ERC2: variants seen among roughly 807,000 people sequenced by gnomAD.
ERC2 encodes the protein ERC protein 2.
Under a neutral mutation model 114.8 loss-of-function variants are expected in ERC2, and 42 were observed. The observed-to-expected ratio is 0.37, with a 90% CI of 0.29 to 0.47. The LOEUF is 0.47. ERC2 is among the 20% of genes least tolerant of loss of function. The probability of loss-of-function intolerance (pLI) is 0.99; values close to 1 mark genes in which losing one functional copy is unlikely to be tolerated. For missense variants in ERC2, 939 were observed against 1,150.7 expected, an observed-to-expected ratio of 0.82 and a Z score of 2.66; for synonymous variants, 454 against 425.5, an observed-to-expected ratio of 1.07 and a Z score of -0.82.
chr3:56,412,551 C>T (rs963375322), intron 2 of ERC2, among the ~76,000 whole-genome samples: 6 of 152,180 alleles, frequency 3.9e-5, no homozygotes, highest in African/African-American at 9.7e-5. Context: ...ACTGGGTCTT[C>T]GGACATCTGG....
At chr3:55,738,588 C>A (rs2065788073) in intron 14 of ERC2, among the ~76,000 whole-genome samples, 1 of 152,086 alleles carries the variant, frequency 6.6e-6, no homozygotes, top group Non-Finnish European at 1.5e-5. Context: ...CACACACACA[C>A]AATGTCTGAT....
intron 2 of ERC2, among the ~76,000 whole-genome samples, chr3:56,392,128 G>T (rs1245819539): frequency 2.0e-5 from 3 of 152,164 alleles, no homozygotes; most frequent in African/African-American, 7.2e-5. Context: ...CTATTTCAAA[G>T]AAATGATTTT....
At chr3:56,256,983 C>T (rs1387839847) in intron 3 of ERC2, among the ~76,000 whole-genome samples, 4 of 152,140 alleles carry the variant, frequency 2.6e-5, no homozygotes, top group Admixed American at 6.5e-5. Context: ...TGGACTAATA[C>T]AGGCCATATG....
At chr3:55,814,747 C>G (rs1053493329) in intron 14 of ERC2, among the ~76,000 whole-genome samples, 12 of 152,290 alleles carry the variant, frequency 7.9e-5, no homozygotes, top group African/African-American at 2.9e-4. Context: ...TCTCCATGTT[C>G]CACATGAAAG....
intron 2 of ERC2, among the ~76,000 whole-genome samples, chr3:56,307,365 TAC>T (rs763504731): frequency 2.6e-5 from 4 of 152,196 alleles, no homozygotes; most frequent in East Asian, 3.8e-4. Context: ...AGTGCACAAT[TAC>T]AGTGTAGGGA....
chr3:55,512,994 A>C (rs1575429090), intron 17 of ERC2, among the ~76,000 whole-genome samples: 1 of 152,350 alleles, frequency 6.6e-6, no homozygotes. Context: ...ATAAAAAACG[A>C]ATCCTGGCTT....
At chr3:55,651,796 T>C (rs1041226057) in intron 17 of ERC2, among the ~76,000 whole-genome samples, 1 of 152,324 alleles carries the variant, frequency 6.6e-6, no homozygotes, top group South Asian at 2.1e-4. Context: ...TGTTTTTAAT[T>C]AGACTCATTC....
At chr3:56,323,214 G>A (rs934588709) in intron 2 of ERC2, among the ~76,000 whole-genome samples, 1 of 152,142 alleles carries the variant, frequency 6.6e-6, no homozygotes, top group Admixed American at 6.5e-5. Context: ...AAAGGAGTAA[G>A]AAAGTCCCCC....
intron 4 of ERC2, among the ~76,000 whole-genome samples, chr3:56,161,700 G>A (rs1169105664): frequency 2.0e-5 from 3 of 152,102 alleles, no homozygotes; most frequent in Admixed American, 1.3e-4. Flanking sequence ...CTCTCAGCTT[G>A]AACACTATTG....
intron 13 of ERC2, among the ~76,000 whole-genome samples, chr3:55,917,213 T>A (rs1480903913): frequency 6.6e-6 from 1 of 152,124 alleles, no homozygotes; most frequent in African/African-American, 2.4e-5. Flanking sequence ...GTAAATCAGT[T>A]TGTATACCCT....
intron 3 of ERC2, among the ~76,000 whole-genome samples, chr3:56,274,550 T>C (rs2053868664): frequency 6.6e-6 from 1 of 152,178 alleles, no homozygotes; most frequent in African/African-American, 2.4e-5. Flanking sequence ...ACCTGTGTAG[T>C]TCAAGCCCAT....
chr3:56,148,920 A>C, intron 5 of ERC2, 57 bp downstream of exon 5: 1 of 1,521,036 alleles, frequency 6.6e-7, no homozygotes, highest in Non-Finnish European at 9.0e-7. Context: ...GTATGTATGT[A>C]AACTGTAACT....
chr3:55,571,858 G>C (rs139343646), intron 17 of ERC2, among the ~76,000 whole-genome samples: 38 of 152,284 alleles, frequency 2.5e-4, no homozygotes, highest in African/African-American at 8.7e-4. Flanking sequence ...ATACCTGCAG[G>C]GGGTACTGAA....
rs533006905 is a variant in ERC2, at chr3:55,716,281, C to T, written c.2713-16769G>A. Reference sequence around the variant, plus strand: ...AGAAACTCTCCCAAAGATTGTCTGTCTCTAATTACAAGCACACAGACTGAT... The same window carrying T: ...AGAAACTCTCCCAAAGATTGTCTGTTTCTAATTACAAGCACACAGACTGAT... On this transcript the variant is annotated intron_variant, in intron 15 of 17. Coordinates refer to ENST00000288221, the MANE Select transcript of ERC2 (RefSeq NM_015576.3). 1.3e-4 allele frequency among the ~76,000 whole-genome samples: 20 copies of T among 152,326 alleles called. No homozygotes were observed. In the South Asian group the frequency reaches 2.3e-3, roughly 17 times the overall value.
Position 55,555,108 on chromosome 3 carries a change from T to C in ERC2, c.*40-43832A>G, listed in dbSNP as rs116477915. On this transcript the variant is annotated intron_variant, in intron 17 of 17. Transcript: ENST00000288221. ...AAAATGCAGGCACAAATAAGATGAA[T>C]AATCCTAATAATTTGAGACATGCCG... Among the ~76,000 whole-genome samples the C allele has an allele frequency of 2.0e-3, 299 of 152,114 alleles. 1 individual carries two copies. Among genetic ancestry groups the C allele is most frequent in the African/African-American group, 6.8e-3 (284 of 41,504 alleles).
At chr3:55,583,342 T>C (rs1021789714) in intron 17 of ERC2, among the ~76,000 whole-genome samples, 7 of 148,928 alleles carry the variant, frequency 4.7e-5, no homozygotes, top group Non-Finnish European at 7.4e-5. Flanking sequence ...TGCCTGCCTG[T>C]CTGCCTGCCT....
At chr3:56,147,002 G>T (rs909831989) in intron 5 of ERC2, among the ~76,000 whole-genome samples, 1 of 152,364 alleles carries the variant, frequency 6.6e-6, no homozygotes. Context: ...CACCTGGACA[G>T]AGTCCATGAT....
chr3:55,562,454 G>A (rs1005436180), intron 17 of ERC2, among the ~76,000 whole-genome samples: 8 of 152,230 alleles, frequency 5.3e-5, no homozygotes, highest in South Asian at 2.1e-4. Flanking sequence ...TGCCTGGCCC[G>A]CTGCCTTCTT....
At chr3:55,636,127 C>T (rs940529260) in intron 17 of ERC2, among the ~76,000 whole-genome samples, 4 of 151,008 alleles carry the variant, frequency 2.6e-5, no homozygotes, top group African/African-American at 4.9e-5. Context: ...CCGCCCACCT[C>T]GGCCTCCCAA....
Sources: gnomAD v4.1 joint callset for allele counts (sites outside exome capture counted in the v4.1 genomes callset) on GRCh38, gnomAD v4.1.1 for gene constraint, MANE v1.5 for transcripts, NCBI Gene and HGNC (gene_info 2026-07-23, HGNC 2026-07-21) for gene names.